Variants in UBE2E2 observed in about 807,000 individuals in gnomAD.
UBE2E2 encodes ubiquitin-conjugating enzyme E2 E2.
UBE2E2 carries 6 observed loss-of-function variants against 24.7 expected under a neutral mutation model. The observed-to-expected ratio is 0.24, with a 90% confidence interval of 0.13 to 0.48. The LOEUF (loss-of-function observed/expected upper bound fraction) is 0.48. Ranked by LOEUF, UBE2E2 falls within the 20% of genes least tolerant of loss-of-function variation. The pLI is 0.99. For synonymous variants in UBE2E2, 104 were observed against 83.6 expected, an observed-to-expected ratio of 1.24 and a Z score of -1.33; for missense variants, 169 against 245.0, an observed-to-expected ratio of 0.69 and a Z score of 2.07.
chr3:23,467,613 CT>C (rs1448225793), intron 3 of UBE2E2, among the ~76,000 whole-genome samples: 2 of 151,944 alleles, frequency 1.3e-5, no homozygotes, highest in African/African-American at 4.8e-5. Context: ...GATGGTAGCT[CT>C]TAGTTTTGTT....
At chr3:23,336,611 G>A (rs1269915684) in intron 3 of UBE2E2, among the ~76,000 whole-genome samples, 4 of 152,116 alleles carry the variant, frequency 2.6e-5, no homozygotes, top group Admixed American at 2.0e-4. Flanking sequence ...ATGTAAAATT[G>A]TAACAAGTAC....
chr3:23,575,614 T>C (rs1396550801), intron 5 of UBE2E2, among the ~76,000 whole-genome samples: 1 of 152,148 alleles, frequency 6.6e-6, no homozygotes, highest in African/African-American at 2.4e-5. Context: ...ATTTTTCTGT[T>C]AGTTTGGAAA....
intron 3 of UBE2E2, among the ~76,000 whole-genome samples, chr3:23,278,241 TTTA>T (rs1377837316): frequency 5.3e-5 from 8 of 152,102 alleles, no homozygotes; most frequent in African/African-American, 9.7e-5. Flanking sequence ...AAAAACAGTA[TTTA>T]TTAAGTTTTT....
chr3:23,484,980 A>G (rs572142437), intron 3 of UBE2E2, among the ~76,000 whole-genome samples: 1 of 152,256 alleles, frequency 6.6e-6, no homozygotes, highest in South Asian at 2.1e-4. Flanking sequence ...TCAGTGGGTA[A>G]CTACTGAAAA....
chr3:23,575,588 GGT>G (rs1465606811), intron 5 of UBE2E2, among the ~76,000 whole-genome samples: 1 of 152,026 alleles, frequency 6.6e-6, no homozygotes, highest in Non-Finnish European at 1.5e-5. Flanking sequence ...ATTAAATACA[GGT>G]ACAACGACAG....
intron 5 of UBE2E2, among the ~76,000 whole-genome samples, chr3:23,555,369 G>T (rs970272821): frequency 1.4e-4 from 21 of 152,154 alleles, no homozygotes; most frequent in African/African-American, 4.8e-4. Context: ...CCAAAGAGAC[G>T]AGGTTAAGTG....
intron 5 of UBE2E2, among the ~76,000 whole-genome samples, chr3:23,563,565 T>G (rs1695989069): frequency 6.6e-6 from 1 of 152,198 alleles, no homozygotes; most frequent in Non-Finnish European, 1.5e-5. Context: ...TGGAGAGTTC[T>G]GTAGATGTCT....
chr3:23,267,862 C>G (rs1192284724), intron 3 of UBE2E2, among the ~76,000 whole-genome samples: 1 of 148,880 alleles, frequency 6.7e-6, no homozygotes, highest in Non-Finnish European at 1.5e-5. Context: ...CCACCATGAT[C>G]AAGTGGGCTT....
At chr3:23,338,162 G>A (rs868497466) in intron 3 of UBE2E2, among the ~76,000 whole-genome samples, 68 of 152,310 alleles carry the variant, frequency 4.5e-4, no homozygotes, top group African/African-American at 1.6e-3. Context: ...TTGTGTGGGT[G>A]GGCATGTTAT....
chr3:23,561,775 A>G (rs970454395), intron 5 of UBE2E2, among the ~76,000 whole-genome samples: 1 of 152,112 alleles, frequency 6.6e-6, no homozygotes, highest in African/African-American at 2.4e-5. Flanking sequence ...TTCTCCTTGA[A>G]GAGGTCCTTC....
At chr3:23,299,871 G>A (rs1443686714) in intron 3 of UBE2E2, among the ~76,000 whole-genome samples, 1 of 152,068 alleles carries the variant, frequency 6.6e-6, no homozygotes, top group African/African-American at 2.4e-5. Context: ...TCTGTCTAAT[G>A]TTGACAGTGG....
chr3:23,448,571 A>G (rs1467121809), intron 3 of UBE2E2, among the ~76,000 whole-genome samples: 1 of 152,216 alleles, frequency 6.6e-6, no homozygotes, highest in Non-Finnish European at 1.5e-5. Context: ...CAACTTTTAC[A>G]GTAACATTAA....
At chr3:23,399,956 C>A (rs903692535) in intron 3 of UBE2E2, among the ~76,000 whole-genome samples, 1 of 152,128 alleles carries the variant, frequency 6.6e-6, no homozygotes, top group Non-Finnish European at 1.5e-5. Context: ...CTTACTACTA[C>A]GCAGGAGGCC....
At chr3:23,419,570 G>C (rs188607296) in intron 3 of UBE2E2, among the ~76,000 whole-genome samples, 1 of 152,310 alleles carries the variant, frequency 6.6e-6, no homozygotes, top group Admixed American at 6.5e-5. Flanking sequence ...GATGTTGCTT[G>C]AGAATCTGTG....
At chr3:23,562,575 T>C (rs1301508259) in intron 5 of UBE2E2, among the ~76,000 whole-genome samples, 1 of 152,228 alleles carries the variant, frequency 6.6e-6, no homozygotes, top group African/African-American at 2.4e-5. Context: ...AGGATGATGC[T>C]GGCCTCATAA....
intron 3 of UBE2E2, among the ~76,000 whole-genome samples, chr3:23,380,169 T>G (rs1203799970): frequency 6.6e-6 from 1 of 151,590 alleles, no homozygotes; most frequent in Non-Finnish European, 1.5e-5. Context: ...ATTGCTATAC[T>G]CTTGTGGTAG....
rs116535114 is a variant in UBE2E2 at position 23,493,665 on chromosome 3, G to C, written c.228-5943G>C. Reference sequence around the variant, plus strand: ...TTGTTAAATAAACATTCTATTCATTGATAATTTGGATTTCCTAAGAGTGGC... The same window carrying C: ...TTGTTAAATAAACATTCTATTCATTCATAATTTGGATTTCCTAAGAGTGGC... On this transcript the variant is annotated intron_variant, in intron 3 of 5. Transcript: ENST00000396703. Among the ~76,000 whole-genome samples the C allele has an allele frequency of 8.8e-3, 1,337 of 152,210 alleles. 22 individuals are homozygous for C. Among genetic ancestry groups the C allele is most frequent in the African/African-American group, 0.03 (1,249 of 41,520 alleles).
chr3:23,348,881 G>A (rs986372421), intron 3 of UBE2E2, among the ~76,000 whole-genome samples: 1 of 152,174 alleles, frequency 6.6e-6, no homozygotes, highest in East Asian at 1.9e-4. Context: ...TAGCACAGTA[G>A]TAATGAATAA....
chr3:23,345,283 G>A (rs895543642), intron 3 of UBE2E2, among the ~76,000 whole-genome samples: 5 of 152,156 alleles, frequency 3.3e-5, no homozygotes, highest in African/African-American at 7.2e-5. Context: ...AAGACTGTGA[G>A]CTGTTCTTTA....
Sources: allele counts gnomAD v4.1 joint callset (sites outside exome capture counted in the v4.1 genomes callset), GRCh38; gene constraint gnomAD v4.1.1; transcripts MANE v1.5; gene names NCBI Gene and HGNC (gene_info 2026-07-23, HGNC 2026-07-21).